ABI2: variants seen among roughly 807,000 people sequenced by gnomAD.
The protein encoded by ABI2 is abl interactor 2, also known as abelson interactor 2.
A neutral mutation model predicts 59.2 loss-of-function variants in ABI2; 25 were observed. That is an observed-to-expected ratio of 0.42 (90% CI 0.31 to 0.59). The LOEUF is 0.59. Among genes scored for constraint, ABI2 ranks in the 20% least tolerant of loss-of-function variants. ABI2 has a pLI of 0.14. For missense variants in ABI2, 545 were observed against 681.8 expected (o/e 0.80, Z 2.23); for synonymous variants, 213 against 235.5 (o/e 0.90, Z 0.87).
chr2:203,421,705 G>A (rs189630027), intron 11 of ABI2, among the ~76,000 whole-genome samples: 242 of 152,066 alleles, frequency 1.6e-3, no homozygotes, highest in Middle Eastern at 6.8e-3. Flanking sequence ...GGTGGCTCAC[G>A]CCTGTAATCC....
At chr2:203,338,104 C>G (rs190121700) in intron 1 of ABI2, among the ~76,000 whole-genome samples, 1 of 152,084 alleles carries the variant, frequency 6.6e-6, no homozygotes, top group African/African-American at 2.4e-5. Context: ...AGAATGGAGC[C>G]CGGAAATGTA....
chr2:203,417,290 C>T (rs889419353), intron 11 of ABI2, among the ~76,000 whole-genome samples: 1 of 152,166 alleles, frequency 6.6e-6, no homozygotes, highest in Non-Finnish European at 1.5e-5. Context: ...TGATGGTTAT[C>T]TATATTGTTC....
chr2:203,342,596 T>TTTA (rs2080682046), intron 1 of ABI2, among the ~76,000 whole-genome samples: 3 of 58,706 alleles, frequency 5.1e-5, no homozygotes, highest in African/African-American at 1.3e-4. Flanking sequence ...TTATTTATTT[T>TTTA]TGAGACAAGG....
intron 9 of ABI2, among the ~76,000 whole-genome samples, chr2:203,406,493 C>T (rs2097431258): frequency 1.3e-5 from 2 of 151,956 alleles, no homozygotes; most frequent in African/African-American, 4.8e-5. Flanking sequence ...GTTTTAAAAG[C>T]GACTAAAAAA....
intron 4 of ABI2, among the ~76,000 whole-genome samples, chr2:203,390,331 C>T (rs1334775504): frequency 2.0e-5 from 3 of 152,140 alleles, no homozygotes; most frequent in Admixed American, 2.0e-4. Flanking sequence ...GATATGCTTA[C>T]TATCTAAAGA....
chr2:203,413,070 T>C (rs2097747866), intron 10 of ABI2, among the ~76,000 whole-genome samples: 1 of 152,244 alleles, frequency 6.6e-6, no homozygotes, highest in Admixed American at 6.5e-5. Context: ...ACTATTGTGA[T>C]GAGTGTACAC....
chr2:203,414,263 G>A (rs778988962), intron 10 of ABI2, among the ~76,000 whole-genome samples: 4 of 151,948 alleles, frequency 2.6e-5, no homozygotes, highest in African/African-American at 4.8e-5. Flanking sequence ...CACCATGTGC[G>A]TCTAATTTTT....
Position 203,366,931 on chromosome 2 carries a change from T to G in ABI2, c.172T>G (p.Leu58Val), listed in dbSNP as rs966239769. Residue 58 changes from leucine (L) to valine (V), a missense_variant, in exon 2 of 12, where the codon TTA (leucine) becomes GTA (valine). By Grantham distance (32) the Leu-to-Val change is conservative. Around this residue, in one of 4 missense-constraint regions of ABI2, gnomAD observed 36 missense variants for 80.0 expected, o/e 0.45. Transcript: ENST00000261018. ...AACCAAAGCCTACACCACCCAATCC[T>G]TAGCAAGTGTTGCCTATCTGATAAA... is the stretch of plus-strand genomic sequence containing the variant. ...EETKAYTTQS[L>V]ASVAYLINTL... is the part of the protein sequence containing the mutation. 2 of 1,613,244 alleles carry G rather than the reference T, an allele frequency of 1.2e-6. No homozygotes were observed. Among genetic ancestry groups the G allele is most frequent in the Non-Finnish European group, 1.7e-6 (2 of 1,179,608 alleles).
At chr2:203,355,439 G>C in intron 1 of ABI2, 2 of 166,874 alleles carry the variant, frequency 1.2e-5, no homozygotes, top group South Asian at 3.0e-4. Flanking sequence ...TTGAGCCTGA[G>C]AGTTTGAAGC....
chr2:203,366,014 G>GT (rs1320954129), intron 1 of ABI2, among the ~76,000 whole-genome samples: 10 of 151,812 alleles, frequency 6.6e-5, no homozygotes, highest in Non-Finnish European at 1.3e-4. Context: ...TACTTTTTGT[G>GT]TTTTTTTCCA....
chr2:203,345,379 C>T (rs1232175275), intron 1 of ABI2, among the ~76,000 whole-genome samples: 1 of 152,164 alleles, frequency 6.6e-6, no homozygotes, highest in East Asian at 1.9e-4. Flanking sequence ...GACACACCAT[C>T]TTTAAGAACT....
intron 1 of ABI2, chr2:203,351,532 GT>G (rs35382487): frequency 4.3e-3 from 1,646 of 385,510 alleles, no homozygotes; most frequent in East Asian, 0.016. Context: ...TCAGTGTTTA[GT>G]TTTTTTTTTT....
intron 2 of ABI2, among the ~76,000 whole-genome samples, chr2:203,369,053 C>G (rs1222375742): frequency 8.6e-6 from 1 of 116,952 alleles, no homozygotes; most frequent in Non-Finnish European, 1.6e-5. Context: ...TGGGGCTGGT[C>G]CTGAAATCCT....
chr2:203,347,218 A>G (rs771449790), intron 1 of ABI2, among the ~76,000 whole-genome samples: 2 of 152,212 alleles, frequency 1.3e-5, no homozygotes, highest in Non-Finnish European at 2.9e-5. Context: ...GTCAAACCAT[A>G]GAAGTGAGTT....
Position 203,397,107 on chromosome 2 carries a change from A to G in ABI2, c.1033+140A>G. 2.5e-6 allele frequency: 3 copies of G among 1,187,442 alleles called. No individual in the cohort carries two copies. In the South Asian group the frequency reaches 1.2e-4, roughly 49 times the overall value. 73.6% of individuals were successfully genotyped at this position (1,187,442 alleles called of 1,614,324 possible). ...AAGAATAATGTACTAACCAGAAAGT[A>G]TGTGACCAAAGATTAGCATTTCCTG... On this transcript the variant is annotated intron_variant, in intron 8 of 11. Coordinates refer to ENST00000261018, the MANE Select transcript of ABI2 (RefSeq NM_001375670.1).
intron 1 of ABI2, among the ~76,000 whole-genome samples, chr2:203,332,939 A>G (rs1270118905): frequency 6.6e-6 from 1 of 152,176 alleles, no homozygotes; most frequent in Non-Finnish European, 1.5e-5. Flanking sequence ...CATAATATGG[A>G]TTTATTCAAA....
chr2:203,352,389 A>T lies in ABI2; in HGVS notation c.118-14488A>T, dbSNP rs150073787. 3.0e-3 allele frequency among the ~76,000 whole-genome samples: 452 copies of T among 152,322 alleles called. 2 individuals are homozygous for T. The highest frequency in any genetic ancestry group is 5.7e-3 in the Non-Finnish European group (391 of 68,022). ...AAGGAGTCTCAGGCAGTCCTTCAGG[A>T]GGATTCCAGATGAAGGCATTGTTAT... On this transcript the variant is annotated intron_variant, in intron 1 of 11. Coordinates refer to ENST00000261018, the MANE Select transcript of ABI2 (RefSeq NM_001375670.1).
At chr2:203,392,310 AC>A (rs2096783334) in intron 5 of ABI2, among the ~76,000 whole-genome samples, 10 of 74,216 alleles carry the variant, frequency 1.3e-4, no homozygotes, top group East Asian at 8.4e-4. Flanking sequence ...CACCACCACC[AC>A]CACCAACAAC....
intron 11 of ABI2, among the ~76,000 whole-genome samples, chr2:203,426,950 CCAT>C: frequency 6.6e-6 from 1 of 151,804 alleles, no homozygotes; most frequent in South Asian, 2.1e-4. Flanking sequence ...TGCTTTTTCC[CCAT>C]TTGTACTCAA....
Sources: gnomAD v4.1 joint callset for allele counts (sites outside exome capture counted in the v4.1 genomes callset) on GRCh38, gnomAD v4.1.1 for gene constraint, gnomAD v4.1.1 regional missense constraint, MANE v1.5 for transcripts, NCBI Gene and HGNC (gene_info 2026-07-23, HGNC 2026-07-21) for gene names.